DOK5: variants seen among roughly 807,000 people sequenced by gnomAD.
The protein encoded by DOK5 is downstream of tyrosine kinase 5.
Under a neutral mutation model 43.3 loss-of-function variants are expected in DOK5, and 27 were observed. The ratio of observed to expected loss-of-function variants is 0.62; its 90% CI spans 0.46 to 0.86. DOK5 has a LOEUF of 0.86. DOK5 is among the 40% of genes least tolerant of loss of function. The pLI, the probability that DOK5 is intolerant of heterozygous loss-of-function variation, is 0.00. For missense variants in DOK5, 373 were observed against 392.9 expected, an observed-to-expected ratio of 0.95 and a Z score of 0.43; for synonymous variants, 146 against 140.1, an observed-to-expected ratio of 1.04 and a Z score of -0.30.
chr20:54,537,237 G>C (rs960976142), intron 1 of DOK5, among the ~76,000 whole-genome samples: 1 of 152,146 alleles, frequency 6.6e-6, no homozygotes, highest in African/African-American at 2.4e-5. Flanking sequence ...CCCTTCTCCT[G>C]TTGTAGCAAC....
chr20:54,582,530 G>C (rs2146760088), intron 2 of DOK5, among the ~76,000 whole-genome samples: 1 of 151,526 alleles, frequency 6.6e-6, no homozygotes, highest in East Asian at 2.0e-4. Flanking sequence ...TTCTTTGTTG[G>C]AAGATTTATG....
intron 6 of DOK5, among the ~76,000 whole-genome samples, chr20:54,641,336 A>G (rs894234892): frequency 2.6e-5 from 4 of 152,120 alleles, no homozygotes; most frequent in Non-Finnish European, 5.9e-5. Context: ...GAATATTATA[A>G]TCTTTTTTTC....
At chr20:54,599,820 T>C (rs1027992990) in intron 5 of DOK5, among the ~76,000 whole-genome samples, 2 of 152,226 alleles carry the variant, frequency 1.3e-5, no homozygotes, top group Admixed American at 6.5e-5. Flanking sequence ...AATATTCACC[T>C]AGTGCACCCT....
At chr20:54,576,652 A>G (rs1377095112) in intron 2 of DOK5, among the ~76,000 whole-genome samples, 1 of 152,216 alleles carries the variant, frequency 6.6e-6, no homozygotes, top group African/African-American at 2.4e-5. Flanking sequence ...GCTTTGCCAC[A>G]GGACCTGGCA....
chr20:54,520,648 G>A (rs1321899860), intron 1 of DOK5, among the ~76,000 whole-genome samples: 3 of 152,054 alleles, frequency 2.0e-5, no homozygotes, highest in Non-Finnish European at 4.4e-5. Context: ...TCTGGGTGTG[G>A]TGGTGTGTGC....
At chr20:54,633,434 C>G (rs1978665905) in intron 6 of DOK5, among the ~76,000 whole-genome samples, 2 of 152,160 alleles carry the variant, frequency 1.3e-5, no homozygotes, top group South Asian at 4.2e-4. Flanking sequence ...TTCTTTCTCT[C>G]TTGGACTGAG....
intron 2 of DOK5, chr20:54,555,602 C>G (rs1413578677): frequency 6.6e-6 from 1 of 152,588 alleles, no homozygotes; most frequent in East Asian, 1.9e-4. Context: ...CACAAATTAG[C>G]TAAATATTTC....
intron 1 of DOK5, among the ~76,000 whole-genome samples, chr20:54,486,281 C>T (rs964389504): frequency 6.6e-6 from 1 of 151,226 alleles, no homozygotes; most frequent in Non-Finnish European, 1.5e-5. Context: ...CGCCTGGGTC[C>T]TCTATTCTGT....
At chr20:54,596,642 C>A (rs1038584391) in intron 5 of DOK5, among the ~76,000 whole-genome samples, 2 of 152,002 alleles carry the variant, frequency 1.3e-5, no homozygotes, top group African/African-American at 4.8e-5. Context: ...AAATTGGGAA[C>A]ACATATATTA....
At chr20:54,501,466 C>CAAAAAAAA (rs76224592) in intron 1 of DOK5, among the ~76,000 whole-genome samples, 21 of 19,318 alleles carry the variant, frequency 1.1e-3, no homozygotes, top group Non-Finnish European at 1.6e-3. Flanking sequence ...GACTCACTCT[C>CAAAAAAAA]AAAAAAAAAA....
chr20:54,593,933 G>A (rs1986055365), intron 5 of DOK5, among the ~76,000 whole-genome samples: 1 of 152,176 alleles, frequency 6.6e-6, no homozygotes, highest in African/African-American at 2.4e-5. Context: ...TTATAAGTGG[G>A]AGTTAAATCA....
intron 2 of DOK5, among the ~76,000 whole-genome samples, chr20:54,564,462 C>T (rs1985024101): frequency 6.6e-6 from 1 of 152,142 alleles, no homozygotes; most frequent in African/African-American, 2.4e-5. Flanking sequence ...TACACATATG[C>T]TTCCCAAAAT....
intron 6 of DOK5, among the ~76,000 whole-genome samples, chr20:54,641,879 C>T (rs1040917508): frequency 1.3e-5 from 2 of 152,142 alleles, no homozygotes; most frequent in African/African-American, 4.8e-5. Context: ...CGTCAGCTCT[C>T]GCCAATGTGA....
At chr20:54,603,756 C>A (rs1986372312) in intron 5 of DOK5, among the ~76,000 whole-genome samples, 1 of 152,104 alleles carries the variant, frequency 6.6e-6, no homozygotes, top group Non-Finnish European at 1.5e-5. Flanking sequence ...GTCCGTATTA[C>A]AAGCTCCTTA....
chr20:54,591,554 C>G, intron 4 of DOK5, 62 bp from the exon 5 acceptor site: 1 of 1,317,354 alleles, frequency 7.6e-7, no homozygotes, highest in Non-Finnish European at 1.0e-6. Flanking sequence ...CTCTATGTTC[C>G]TACAATGTCT....
intron 1 of DOK5, among the ~76,000 whole-genome samples, chr20:54,554,501 A>G (rs1984643681): frequency 6.6e-6 from 1 of 152,222 alleles, no homozygotes; most frequent in South Asian, 2.1e-4. Context: ...CATTATGAGG[A>G]ATATCACGAC....
At chr20:54,639,621 T>G (rs1979007131) in intron 6 of DOK5, among the ~76,000 whole-genome samples, 1 of 59,082 alleles carries the variant, frequency 1.7e-5, no homozygotes, top group South Asian at 9.9e-4. Context: ...TTATATCTAT[T>G]GTAAAAAAAA....
chr20:54,571,260 C>T (rs562184663), intron 2 of DOK5, among the ~76,000 whole-genome samples: 3 of 152,250 alleles, frequency 2.0e-5, no homozygotes, highest in African/African-American at 7.2e-5. Flanking sequence ...GTCCTAATTG[C>T]TTTTTGCTGT....
intron 1 of DOK5, among the ~76,000 whole-genome samples, chr20:54,544,180 T>A (rs1984261463): frequency 6.6e-6 from 1 of 152,250 alleles, no homozygotes. Context: ...AAAATATATC[T>A]TGATATCCAC....
Sources: allele counts gnomAD v4.1 joint callset (sites outside exome capture counted in the v4.1 genomes callset), GRCh38; gene constraint gnomAD v4.1.1; transcripts MANE v1.5; gene names NCBI Gene and HGNC (gene_info 2026-07-23, HGNC 2026-07-21).